The following MCUB variants were observed in gnomAD, a reference collection of about 807,000 sequenced individuals.
MCUB encodes mitochondrial calcium uniporter dominant negative subunit beta, also known as calcium uniporter regulatory subunit MCUb, mitochondrial.
A neutral mutation model predicts 41.4 loss-of-function variants in MCUB; 46 were observed. The observed-to-expected ratio is 1.11, with a 90% CI of 0.88 to 1.42. The LOEUF (loss-of-function observed/expected upper bound fraction) is 1.42, where lower values mean the gene tolerates loss of function less well. Ranked by LOEUF, MCUB falls within the 40% of genes most tolerant of loss-of-function variation. MCUB has a pLI of 0.00. For missense variants in MCUB, 403 were observed against 404.9 expected, an observed-to-expected ratio of 1.00 and a Z score of 0.04; for synonymous variants, 148 against 148.2, an observed-to-expected ratio of 1.00 and a Z score of 0.01.
intron 1 of MCUB, among the ~76,000 whole-genome samples, chr4:109,598,376 C>T (rs1482376626): frequency 1.3e-5 from 2 of 152,128 alleles, no homozygotes; most frequent in Non-Finnish European, 2.9e-5. Context: ...GCGGATCACT[C>T]GCGGTTAGGA....
At position 109,673,087 on chromosome 4, in the gene MCUB, C is replaced by T. The variant is rs1729495589; in HGVS notation, c.451+8693C>T. ...GCTTCCATTCTGAATTCTCTTTTAA[C>T]ATCAGGGCAGTATTTAACTTCAAAG... is the stretch of plus-strand genomic sequence containing the variant. On this transcript the variant is annotated intron_variant, in intron 4 of 7. Coordinates refer to ENST00000394650, the MANE Select transcript of MCUB (RefSeq NM_017918.5). Among the ~76,000 whole-genome samples the T allele has an allele frequency of 1.3e-5, 2 of 152,182 alleles. 1 individual carries two copies. The highest frequency in any genetic ancestry group is 2.9e-5 in the Non-Finnish European group (2 of 68,036).
At chr4:109,610,145 A>G (rs1326038914) in intron 1 of MCUB, among the ~76,000 whole-genome samples, 1 of 152,156 alleles carries the variant, frequency 6.6e-6, no homozygotes, top group East Asian at 1.9e-4. Flanking sequence ...GAATGCTACC[A>G]GGCCTGAGAC....
intron 4 of MCUB, among the ~76,000 whole-genome samples, chr4:109,677,921 C>A (rs186442585): frequency 6.8e-6 from 1 of 146,760 alleles, no homozygotes; most frequent in Non-Finnish European, 1.5e-5. Flanking sequence ...CAGATAAACA[C>A]GTGAACAAAG....
intron 1 of MCUB, among the ~76,000 whole-genome samples, chr4:109,612,979 G>A (rs566068722): frequency 4.5e-4 from 68 of 152,096 alleles, no homozygotes; most frequent in African/African-American, 1.4e-3. Context: ...GGTGGCGGGC[G>A]TCTGTAGTCC....
intron 1 of MCUB, among the ~76,000 whole-genome samples, chr4:109,604,202 T>A (rs533083238): frequency 6.6e-6 from 1 of 151,136 alleles, no homozygotes; most frequent in Non-Finnish European, 1.5e-5. Context: ...TCGTTAAGAG[T>A]CATCACCACT....
chr4:109,565,944 C>A (rs1356086828), intron 1 of MCUB, among the ~76,000 whole-genome samples: 1 of 150,910 alleles, frequency 6.6e-6, no homozygotes, highest in African/African-American at 2.4e-5. Flanking sequence ...TTCAAGCGAT[C>A]CTCCCACCTC....
At chr4:109,591,607 GAC>G (rs367634872) in intron 1 of MCUB, among the ~76,000 whole-genome samples, 2 of 152,338 alleles carry the variant, frequency 1.3e-5, no homozygotes, top group Admixed American at 6.5e-5. Context: ...ATTTTTCAAA[GAC>G]AACAGTGGGT....
intron 1 of MCUB, among the ~76,000 whole-genome samples, chr4:109,606,858 TGCCTCA>T (rs1341830621): frequency 6.6e-6 from 1 of 152,072 alleles, no homozygotes; most frequent in Non-Finnish European, 1.5e-5. Flanking sequence ...GCAATTCTCC[TGCCTCA>T]GCCTCCTGAG....
chr4:109,666,944 G>A (rs183618311), intron 4 of MCUB, among the ~76,000 whole-genome samples: 23 of 152,204 alleles, frequency 1.5e-4, no homozygotes, highest in Admixed American at 9.2e-4. Flanking sequence ...ATCCCACTTA[G>A]TTGTGGTGTA....
At chr4:109,655,485 A>G (rs776320159) in intron 1 of MCUB, among the ~76,000 whole-genome samples, 11 of 152,162 alleles carry the variant, frequency 7.2e-5, no homozygotes, top group Non-Finnish European at 1.3e-4. Flanking sequence ...AACCAGCCCC[A>G]TCCTGAAGCC....
At chr4:109,593,628 CAGAA>C (rs917719144) in intron 1 of MCUB, among the ~76,000 whole-genome samples, 30 of 152,260 alleles carry the variant, frequency 2.0e-4, no homozygotes, top group African/African-American at 7.2e-4. Flanking sequence ...TATTCTTACT[CAGAA>C]AGAAGGAAAA....
chr4:109,630,639 T>C (rs1344154844), intron 1 of MCUB, among the ~76,000 whole-genome samples: 1 of 152,178 alleles, frequency 6.6e-6, no homozygotes, highest in Non-Finnish European at 1.5e-5. Flanking sequence ...TGGAGTGCAA[T>C]GGCATGATCT....
chr4:109,566,912 A>T (rs1241097745), intron 1 of MCUB, among the ~76,000 whole-genome samples: 1 of 152,206 alleles, frequency 6.6e-6, no homozygotes, highest in East Asian at 1.9e-4. Flanking sequence ...AATATTTAAG[A>T]CCAGCCTGAC....
At chr4:109,674,741 G>A (rs1272112683) in intron 4 of MCUB, among the ~76,000 whole-genome samples, 2 of 152,206 alleles carry the variant, frequency 1.3e-5, no homozygotes, top group African/African-American at 2.4e-5. Context: ...TTAGTTTTTT[G>A]TAATTGCAAA....
intron 1 of MCUB, among the ~76,000 whole-genome samples, chr4:109,603,681 T>G (rs1390266260): frequency 7.0e-6 from 1 of 142,528 alleles, no homozygotes; most frequent in Non-Finnish European, 1.5e-5. Context: ...CACCACCCCG[T>G]CTGGGAACTG....
chr4:109,575,914 T>C (rs564376477), intron 1 of MCUB, among the ~76,000 whole-genome samples: 38 of 149,630 alleles, frequency 2.5e-4, no homozygotes, highest in Middle Eastern at 3.4e-3. Context: ...TTCACTCTTA[T>C]CTACCTGGTT....
At chr4:109,684,739 AATTACTGCC>A in intron 6 of MCUB, 93 bp downstream of exon 6, 1 of 652,054 alleles carries the variant, frequency 1.5e-6, no homozygotes, top group Non-Finnish European at 2.7e-6. Flanking sequence ...TTATTTACTG[AATTACTGCC>A]ATCTGGTTTT....
intron 1 of MCUB, among the ~76,000 whole-genome samples, chr4:109,652,047 G>A (rs367870800): frequency 1.3e-5 from 2 of 152,220 alleles, no homozygotes; most frequent in Non-Finnish European, 2.9e-5. Flanking sequence ...TTCTTGGCTT[G>A]TACATGGCTG....
At chr4:109,630,739 G>A (rs549070057) in intron 1 of MCUB, among the ~76,000 whole-genome samples, 3 of 152,044 alleles carry the variant, frequency 2.0e-5, no homozygotes, top group Non-Finnish European at 4.4e-5. Flanking sequence ...GCACCACCAC[G>A]CCCAGCTAAT....
Sources: allele counts gnomAD v4.1 joint callset (sites outside exome capture counted in the v4.1 genomes callset), GRCh38; gene constraint gnomAD v4.1.1; transcripts MANE v1.5; gene names NCBI Gene and HGNC (gene_info 2026-07-23, HGNC 2026-07-21).